Variants in CLIC5 observed in about 807,000 individuals in gnomAD.
CLIC5 encodes the protein chloride intracellular channel protein 5.
A neutral mutation model predicts 24.7 loss-of-function variants in CLIC5; 20 were observed. The ratio of observed to expected loss-of-function variants is 0.81; its 90% CI spans 0.57 to 1.18. The LOEUF is 1.18. CLIC5 is among the 50% of genes most tolerant of loss of function. CLIC5 has a pLI of 0.00. For synonymous variants in CLIC5, 159 were observed against 135.6 expected, an observed-to-expected ratio of 1.17 and a Z score of -1.20; for missense variants, 341 against 326.1, an observed-to-expected ratio of 1.05 and a Z score of -0.35.
chr6:46,010,298 A>G (rs757467222), intron 1 of CLIC5, among the ~76,000 whole-genome samples: 2 of 152,298 alleles, frequency 1.3e-5, no homozygotes, highest in South Asian at 4.1e-4. Context: ...CTAATAGGCC[A>G]GATCCATACT....
At chr6:45,960,725 G>T (rs1444836203) in intron 1 of CLIC5, among the ~76,000 whole-genome samples, 1 of 152,216 alleles carries the variant, frequency 6.6e-6, no homozygotes, top group Non-Finnish European at 1.5e-5. Context: ...CACGTGTCCT[G>T]AAGGCCTTCT....
At chr6:45,969,371 G>C (rs1156958413) in intron 1 of CLIC5, among the ~76,000 whole-genome samples, 1 of 152,106 alleles carries the variant, frequency 6.6e-6, no homozygotes, top group African/African-American at 2.4e-5. Context: ...TCTTTCCATA[G>C]TATTCTCAGC....
chr6:46,073,150 G>A (rs1980530), intron 1 of CLIC5, among the ~76,000 whole-genome samples: 18,593 of 152,088 alleles, frequency 0.12, 1,654 homozygotes, highest in East Asian at 0.32. Context: ...GTTCATATGG[G>A]CACCTAGAAA....
At chr6:45,968,845 G>T (rs1172708400) in intron 1 of CLIC5, among the ~76,000 whole-genome samples, 3 of 152,154 alleles carry the variant, frequency 2.0e-5, no homozygotes, top group South Asian at 2.1e-4. Context: ...AATTCCCTGG[G>T]TAGCCCTTTA....
At chr6:46,086,288 T>C in the CLIC5 span, among the ~76,000 whole-genome samples, 1 of 152,264 alleles carries the variant, frequency 6.6e-6, no homozygotes, top group Non-Finnish European at 1.5e-5. Context: ...CCTAGTGAGA[T>C]GAACCCGGTA....
Position 45,995,051 on chromosome 6 carries a change from G to GC in CLIC5, c.63+20428_63+20429insG, listed in dbSNP as rs1051783723. Among the ~76,000 whole-genome samples the GC allele has an allele frequency of 1.2e-4, 18 of 151,918 alleles. No homozygotes were observed. In the East Asian group the frequency reaches 3.1e-3, roughly 26 times the overall value. ...GGAAGAAAGAATTAAAGAAAGAAAT[G>GC]TTTTTTTTAAAAAAAACCTCAAGGT... On this transcript the variant is annotated intron_variant, in intron 1 of 5. Transcript: ENST00000339561.
intron 1 of CLIC5, among the ~76,000 whole-genome samples, chr6:45,970,430 T>C (rs940245039): frequency 6.6e-6 from 1 of 152,180 alleles, no homozygotes; most frequent in Non-Finnish European, 1.5e-5. Context: ...GAGCTGTAAT[T>C]GGAAAGGAGT....
At chr6:46,098,755 T>C in the CLIC5 span, among the ~76,000 whole-genome samples, 1 of 152,254 alleles carries the variant, frequency 6.6e-6, no homozygotes, top group East Asian at 1.9e-4. Context: ...ACTGCTTTGC[T>C]CCCCAGCCCA....
chr6:45,952,677 G>A (rs1243818024), intron 2 of CLIC5, among the ~76,000 whole-genome samples: 1 of 152,310 alleles, frequency 6.6e-6, no homozygotes, highest in Admixed American at 6.5e-5. Context: ...TGTAAAAATG[G>A]AGTGGTGCTA....
intron 6 of CLIC5, among the ~76,000 whole-genome samples, chr6:45,881,339 G>T (rs1417883660): frequency 6.6e-6 from 1 of 152,100 alleles, no homozygotes; most frequent in Admixed American, 6.5e-5. Flanking sequence ...CATTCATAAA[G>T]GTAAAGGTAA....
At chr6:46,041,451 C>A (rs985812359) in intron 1 of CLIC5, among the ~76,000 whole-genome samples, 6 of 152,154 alleles carry the variant, frequency 3.9e-5, no homozygotes, top group Admixed American at 1.3e-4. Context: ...TTGAGACAGG[C>A]CACCTCCCCA....
upstream of CLIC5, among the ~76,000 whole-genome samples, chr6:46,084,555 A>T (rs1048154249): frequency 2.6e-5 from 4 of 152,112 alleles, no homozygotes; most frequent in Admixed American, 1.3e-4. Context: ...CTGGATATGA[A>T]ATTCTGGGTT....
chr6:45,893,136 T>C (rs2127284656), intron 6 of CLIC5, among the ~76,000 whole-genome samples: 1 of 152,298 alleles, frequency 6.6e-6, no homozygotes, highest in Middle Eastern at 3.4e-3. Context: ...GAGAGTCTCA[T>C]GCTTTTTCAC....
chr6:46,128,720 CCAGG>C, the CLIC5 span, among the ~76,000 whole-genome samples: 11 of 152,164 alleles, frequency 7.2e-5, no homozygotes, highest in African/African-American at 2.7e-4. Context: ...AGTATTCAAA[CCAGG>C]TTCTAGGGTC....
At chr6:46,062,250 A>C (rs6906620) in intron 1 of CLIC5, among the ~76,000 whole-genome samples, 128,269 of 152,236 alleles carry the variant, frequency 0.84, 54,676 homozygotes, top group East Asian at 1. Flanking sequence ...CTTGCCACCA[A>C]AGAAGAATAT....
At chr6:45,960,440 C>T (rs556211492) in intron 1 of CLIC5, among the ~76,000 whole-genome samples, 1 of 152,166 alleles carries the variant, frequency 6.6e-6, no homozygotes, top group Non-Finnish European at 1.5e-5. Flanking sequence ...GTTAGGCTTT[C>T]TCACCAGGGA....
At chr6:46,063,777 C>T (rs936753356) in intron 1 of CLIC5, among the ~76,000 whole-genome samples, 2 of 152,270 alleles carry the variant, frequency 1.3e-5, no homozygotes, top group South Asian at 2.1e-4. Flanking sequence ...GCAGAGTCCT[C>T]GGAAGGCCAT....
chr6:45,884,717 C>G (rs1276055986), intron 6 of CLIC5, among the ~76,000 whole-genome samples: 2 of 152,116 alleles, frequency 1.3e-5, no homozygotes. Context: ...CTGGTCATGG[C>G]AGGTAGACTA....
chr6:46,005,210 C>T (rs1766506740), intron 1 of CLIC5, among the ~76,000 whole-genome samples: 1 of 152,204 alleles, frequency 6.6e-6, no homozygotes, highest in Non-Finnish European at 1.5e-5. Flanking sequence ...CAGTTGGACT[C>T]CATTCACTGC....
Sources: gnomAD v4.1 joint callset for allele counts (sites outside exome capture counted in the v4.1 genomes callset) on GRCh38, gnomAD v4.1.1 for gene constraint, MANE v1.5 for transcripts, NCBI Gene and HGNC (gene_info 2026-07-23, HGNC 2026-07-21) for gene names.